SCN9A: variants seen among roughly 807,000 people sequenced by gnomAD.
SCN9A encodes the protein sodium voltage-gated channel alpha subunit 9, also known as sodium channel protein type 9 subunit alpha.
In SCN9A, 131 loss-of-function variants were observed where a neutral mutation model predicts 187.0. The observed-to-expected ratio is 0.70, with a 90% CI of 0.61 to 0.81. SCN9A has a LOEUF of 0.81. Among genes scored for constraint, SCN9A ranks in the 30% least tolerant of loss-of-function variants. The pLI, the probability that SCN9A is intolerant of heterozygous loss-of-function variation, is 0.00. For synonymous variants in SCN9A, 809 were observed against 808.6 expected, an observed-to-expected ratio of 1.00 and a Z score of -0.01; for missense variants, 2,252 against 2,396.6, an observed-to-expected ratio of 0.94 and a Z score of 1.26.
intron 7 of SCN9A, chr2:166,302,878 C>A: frequency 2.3e-6 from 1 of 428,210 alleles, no homozygotes. Context: ...TGGAACTATC[C>A]TGTGTTCCTT....
chr2:166,353,081 G>A (rs1431160589), intron 1 of SCN9A, among the ~76,000 whole-genome samples: 5 of 150,652 alleles, frequency 3.3e-5, no homozygotes, highest in African/African-American at 7.3e-5. Flanking sequence ...CTTTCTGGGC[G>A]TGGTGGCTAA....
At chr2:166,371,017 C>T (rs1700548083) in intron 1 of SCN9A, among the ~76,000 whole-genome samples, 1 of 152,106 alleles carries the variant, frequency 6.6e-6, no homozygotes, top group African/African-American at 2.4e-5. Context: ...TAATAGCAGT[C>T]TCTCTAACAC....
chr2:166,207,742 C>T (rs935531931), intron 24 of SCN9A, among the ~76,000 whole-genome samples: 3 of 152,048 alleles, frequency 2.0e-5, no homozygotes, highest in African/African-American at 7.2e-5. Context: ...TATCCGGCCA[C>T]CTTAGAGTGT....
intron 24 of SCN9A, among the ~76,000 whole-genome samples, chr2:166,224,839 C>G (rs973801697): frequency 3.9e-5 from 6 of 152,092 alleles, no homozygotes; most frequent in Non-Finnish European, 7.4e-5. Context: ...CATAATGAAA[C>G]TACTTTTTAG....
intron 24 of SCN9A, among the ~76,000 whole-genome samples, chr2:166,219,188 G>A (rs975545561): frequency 1.3e-4 from 20 of 152,066 alleles, no homozygotes; most frequent in African/African-American, 4.6e-4. Context: ...AGACAGAAAT[G>A]CCATTCAACC....
intron 24 of SCN9A, among the ~76,000 whole-genome samples, chr2:166,208,216 A>G (rs1693909275): frequency 6.6e-6 from 1 of 152,184 alleles, no homozygotes; most frequent in South Asian, 2.1e-4. Flanking sequence ...GCTGTATTAC[A>G]TAGTAATAAA....
In SCN9A at chr2:166,277,130, G is replaced by A. The variant is rs201085745; in HGVS notation, c.2727C>T (p.His909=). Residue 909 remains histidine, a synonymous_variant, in exon 16 of 27, where the codon CAC becomes CAT. Transcript: ENST00000642356. ...INDDCTLPRW[H]MNDFFHSFLI... Reference sequence around the variant, plus strand: ...GGAAGGAGTGGAAGAAGTCGTTCATGTGCCACCGTGGGAGCGTACAGTCAT... The same window carrying A: ...GGAAGGAGTGGAAGAAGTCGTTCATATGCCACCGTGGGAGCGTACAGTCAT... The A allele has an allele frequency of 4.3e-6, 7 of 1,614,018 alleles. 1 individual carries two copies. Among genetic ancestry groups the A allele is most frequent in the Non-Finnish European group, 5.9e-6 (7 of 1,179,988 alleles).
intron 1 of SCN9A, among the ~76,000 whole-genome samples, chr2:166,350,507 T>C (rs1700008592): frequency 6.6e-6 from 1 of 152,218 alleles, no homozygotes; most frequent in Admixed American, 6.5e-5. Flanking sequence ...GGAAGAGGAA[T>C]TAGTATGCAT....
intron 17 of SCN9A, among the ~76,000 whole-genome samples, chr2:166,253,188 A>G (rs999047574): frequency 1.3e-4 from 20 of 151,866 alleles, no homozygotes; most frequent in African/African-American, 4.8e-4. Context: ...AGTATACAAC[A>G]TCATAAAAAT....
chr2:166,201,026 CAAAAT>C (rs971231114), intron 26 of SCN9A, among the ~76,000 whole-genome samples: 1 of 152,020 alleles, frequency 6.6e-6, no homozygotes, highest in African/African-American at 2.4e-5. Flanking sequence ...AATGTTCTCT[CAAAAT>C]AACCACAAAT....
intron 24 of SCN9A, among the ~76,000 whole-genome samples, chr2:166,222,638 C>G (rs765418039): frequency 1.2e-4 from 17 of 144,878 alleles, no homozygotes; most frequent in South Asian, 4.4e-4. Flanking sequence ...AACAAACAAA[C>G]AAACAGCAAC....
chr2:166,278,677 A>T (rs2106472268), intron 14 of SCN9A, among the ~76,000 whole-genome samples: 1 of 152,330 alleles, frequency 6.6e-6, no homozygotes, highest in Non-Finnish European at 1.5e-5. Flanking sequence ...AAAAGAAAAC[A>T]TAAGTTGATA....
intron 1 of SCN9A, among the ~76,000 whole-genome samples, chr2:166,351,824 T>C (rs1574955432): frequency 6.6e-6 from 1 of 152,302 alleles, no homozygotes; most frequent in Middle Eastern, 3.4e-3. Context: ...AATCTCATTA[T>C]GGAGTTTTAA....
rs755139637 is a variant in SCN9A, at chr2:166,303,227, C to T, written c.764G>A (p.Cys255Tyr). ...TCCAATTAGTGCAAACACACTCAGA[C>T]AGAACACAGTCAGGATCATGACATC... ...LSDVMILTVF[C>Y]LSVFALIGLQ... Residue 255 changes from cysteine to tyrosine, a missense_variant, in exon 7 of 27, where the codon TGT (cysteine) becomes TAT (tyrosine). This residue lies in a region of SCN9A where 1,013 missense variants were observed against 997.4 expected (regional missense o/e 1.02). Coordinates refer to ENST00000642356, the MANE Select transcript of SCN9A (RefSeq NM_001365536.1). The T allele has an allele frequency of 6.8e-6, 11 of 1,613,624 alleles. No homozygotes were observed. In the Admixed American group the frequency reaches 1.3e-4, roughly 20 times the overall value.
At position 166,199,482 on chromosome 2, in the gene SCN9A, T is replaced by C. The variant is rs749848631; in HGVS notation, c.5157A>G (p.Lys1719=). The change falls in exon 27 of 27, where the codon AAA becomes AAG. Residue 1719 remains lysine (K), a synonymous_variant. Coordinates refer to ENST00000642356, the MANE Select transcript of SCN9A (RefSeq NM_001365536.1). ...CTTCAACTGAACTTCCAGGATGAAC[T>C]TTTTTTGGGTCACAGTCGGGTGGCT... The part of the protein sequence containing the change: ...NSKPPDCDPK[K]VHPGSSVEGD... The C allele has an allele frequency of 6.2e-7, 1 of 1,614,146 alleles. No individual in the cohort carries two copies. The highest frequency in any genetic ancestry group is 8.5e-7 in the Non-Finnish European group (1 of 1,180,024).
chr2:166,229,323 G>T (rs181436271), intron 21 of SCN9A, among the ~76,000 whole-genome samples: 1 of 151,570 alleles, frequency 6.6e-6, no homozygotes, highest in African/African-American at 2.4e-5. Context: ...TATTGATAAG[G>T]TAAACTTGTA....
In SCN9A at chr2:166,199,097, G is replaced by A. The variant is rs1381335907; in HGVS notation, c.5542C>T (p.Arg1848Cys). ...ATCTCCCCACTCTCACCCAAAACACGCTTTGTAAAAGCAAATAAGATGTCA... is the reference window on the plus strand; with the variant it reads ...ATCTCCCCACTCTCACCCAAAACACACTTTGTAAAAGCAAATAAGATGTCA... ...CLDILFAFTK[R>C]VLGESGEMDS... is the part of the protein sequence containing the mutation. Residue 1848 changes from arginine to cysteine, a missense_variant, in exon 27 of 27, where the codon CGT becomes TGT. By Grantham distance (180) the Arg-to-Cys change is radical (BLOSUM62 -3). Transcript: ENST00000642356. The A allele has an allele frequency of 8.1e-6, 13 of 1,613,946 alleles. No homozygotes were observed. Among genetic ancestry groups the A allele is most frequent in the Non-Finnish European group, 1.0e-5 (12 of 1,180,024 alleles).
intron 1 of SCN9A, among the ~76,000 whole-genome samples, chr2:166,362,485 T>C (rs1229657372): frequency 6.6e-6 from 1 of 152,052 alleles, no homozygotes; most frequent in Non-Finnish European, 1.5e-5. Flanking sequence ...ATAGTATTTC[T>C]TACTTTCTGC....
chr2:166,311,744 G>T lies in SCN9A; in HGVS notation c.13C>A (p.Pro5Thr), dbSNP rs201999985. The T allele has an allele frequency of 1.4e-5, 23 of 1,602,068 alleles. No individual in the cohort carries two copies. Among genetic ancestry groups the T allele is most frequent in the Non-Finnish European group, 2.0e-5 (23 of 1,172,474 alleles). ...ACAAAGCTCTGAGGTCCTGGGGGAG[G>T]CAACATTGCCATCTTTTCATCCTGT... MAMLPPPGPQSFVHF... is the reference protein window; with the variant it reads MAMLTPPGPQSFVHF... Residue 5 changes from proline to threonine, a missense_variant, in exon 2 of 27, where the codon CCT becomes ACT. Coordinates refer to ENST00000642356, the MANE Select transcript of SCN9A (RefSeq NM_001365536.1).
Sources: gnomAD v4.1 joint callset for allele counts (sites outside exome capture counted in the v4.1 genomes callset) on GRCh38, gnomAD v4.1.1 for gene constraint, gnomAD v4.1.1 regional missense constraint, MANE v1.5 for transcripts, NCBI Gene and HGNC (gene_info 2026-07-23, HGNC 2026-07-21) for gene names.